The following RPS6KA2 variants were observed in gnomAD, a reference collection of about 807,000 sequenced individuals.
RPS6KA2 encodes the protein ribosomal protein S6 kinase alpha-2.
Under a neutral mutation model 91.8 loss-of-function variants are expected in RPS6KA2, and 42 were observed. The observed-to-expected ratio is 0.46, with a 90% confidence interval of 0.36 to 0.59. The LOEUF is 0.59. RPS6KA2 is among the 20% of genes least tolerant of loss of function. RPS6KA2 has a pLI of 0.00. For missense variants in RPS6KA2, 798 were observed against 978.5 expected (o/e 0.82, Z 2.46); for synonymous variants, 414 against 393.6 (o/e 1.05, Z -0.61).
In RPS6KA2 at chr6:166,411,720, G is replaced by C. The variant is rs1449758997; in HGVS notation, c.*1042C>G. 2 of 152,680 alleles carry C rather than the reference G, an allele frequency of 1.3e-5. No individual in the cohort carries two copies. The highest frequency in any genetic ancestry group is 2.4e-5 in the African/African-American group (1 of 41,444). 9.5% of individuals were successfully genotyped at this position (152,680 alleles called of 1,614,324 possible). On this transcript the variant is annotated 3_prime_UTR_variant, in exon 21 of 21. Transcript: ENST00000265678. The surrounding 1 kb of genome is among the most constrained non-coding windows in gnomAD (Gnocchi z 4.5). ...CCGCTGCCCTCCCACCTGTGCCTCTGCCCCTCAGTCTGCTGGGTGGGGCCT... is the reference window on the plus strand; with the variant it reads ...CCGCTGCCCTCCCACCTGTGCCTCTCCCCCTCAGTCTGCTGGGTGGGGCCT...
At chr6:166,539,358 A>T (rs1315668276) in intron 1 of RPS6KA2, among the ~76,000 whole-genome samples, 3 of 152,240 alleles carry the variant, frequency 2.0e-5, no homozygotes, top group Non-Finnish European at 4.4e-5. Flanking sequence ...ACTCTCAATG[A>T]AATCCATTCT....
chr6:166,834,757 A>G (rs1254226790), intron 2 of RPS6KA2, among the ~76,000 whole-genome samples: 1 of 151,886 alleles, frequency 6.6e-6, no homozygotes, highest in African/African-American at 2.4e-5. Context: ...ATTTTCTCCC[A>G]CTCTGGCCAG....
rs1213480112 is a variant in RPS6KA2 at position 166,821,925 on chromosome 6, A to G, written c.123+36275T>C. Reference sequence around the variant, plus strand: ...CGGCACACTCAGATGTTCAGGTTCAACACTGGGCACCATCCTGAATCCCTC... The same window carrying G: ...CGGCACACTCAGATGTTCAGGTTCAGCACTGGGCACCATCCTGAATCCCTC... On this transcript the variant is annotated intron_variant, in intron 2 of 21. Coordinates refer to the RPS6KA2 transcript ENST00000503859. This position sits in a 1 kb window ranked among gnomAD's most constrained non-coding sequence, Gnocchi z 4.1. 3.3e-5 allele frequency among the ~76,000 whole-genome samples: 5 copies of G among 152,104 alleles called. No homozygotes were observed. The highest frequency in any genetic ancestry group is 3.3e-4 in the Admixed American group (5 of 15,256).
chr6:166,761,166 C>T (rs933074797), intron 2 of RPS6KA2, among the ~76,000 whole-genome samples: 13 of 152,142 alleles, frequency 8.5e-5, no homozygotes, highest in Non-Finnish European at 1.8e-4. Context: ...CGGGTTCAAG[C>T]AATTGTTGTA....
intron 2 of RPS6KA2, among the ~76,000 whole-genome samples, chr6:166,756,873 T>C (rs944947262): frequency 6.6e-6 from 1 of 151,938 alleles, no homozygotes; most frequent in African/African-American, 2.4e-5. Context: ...TAAAAATAAA[T>C]AGTAAAATAA....
chr6:166,842,712 C>A (rs1027863623), intron 2 of RPS6KA2, among the ~76,000 whole-genome samples: 1 of 152,178 alleles, frequency 6.6e-6, no homozygotes, highest in Non-Finnish European at 1.5e-5. Context: ...CTTCTTAGCC[C>A]AATACCCAGA....
chr6:166,455,623 G>A (rs1652961788), intron 12 of RPS6KA2, among the ~76,000 whole-genome samples: 1 of 152,240 alleles, frequency 6.6e-6, no homozygotes, highest in Admixed American at 6.5e-5. Flanking sequence ...GGTACCCTGA[G>A]TGGTTTTTAG....
chr6:166,415,987 C>CG (rs1778490197), intron 19 of RPS6KA2, among the ~76,000 whole-genome samples: 1 of 148,998 alleles, frequency 6.7e-6, no homozygotes, highest in African/African-American at 2.5e-5. Context: ...CCACCATCAT[C>CG]CTCACCATCC....
chr6:166,427,033 A>T (rs1778945829), intron 16 of RPS6KA2, among the ~76,000 whole-genome samples: 2 of 152,208 alleles, frequency 1.3e-5, no homozygotes, highest in South Asian at 4.1e-4. Context: ...CTTGATGAAC[A>T]TTGATGCAAA....
intron 1 of RPS6KA2, among the ~76,000 whole-genome samples, chr6:166,608,152 T>C (rs1363122199): frequency 6.6e-6 from 1 of 152,194 alleles, no homozygotes; most frequent in Non-Finnish European, 1.5e-5. Flanking sequence ...TTGGAATTTT[T>C]CACAAAGACT....
At chr6:166,712,836 G>A (rs73788094) in intron 2 of RPS6KA2, among the ~76,000 whole-genome samples, 3,817 of 152,330 alleles carry the variant, frequency 0.025, 159 homozygotes, top group African/African-American at 0.087. Flanking sequence ...AGGAGCTGCT[G>A]AAACACAGCG....
intron 2 of RPS6KA2, among the ~76,000 whole-genome samples, chr6:166,788,013 G>A (rs1257717895): frequency 2.0e-5 from 3 of 148,244 alleles, no homozygotes; most frequent in Admixed American, 6.7e-5. Context: ...CAAAAAGTCG[G>A]CAAAGGATAT....
At chr6:166,822,600 C>G (rs16899555) in intron 2 of RPS6KA2, among the ~76,000 whole-genome samples, 6,735 of 152,272 alleles carry the variant, frequency 0.044, 553 homozygotes, top group East Asian at 0.39. Context: ...TCCAGCTACA[C>G]TGAGAGTCCA....
intron 2 of RPS6KA2, among the ~76,000 whole-genome samples, chr6:166,746,050 G>A (rs1268382320): frequency 6.6e-6 from 1 of 152,180 alleles, no homozygotes; most frequent in African/African-American, 2.4e-5. Flanking sequence ...TGCAGCTACT[G>A]AGACACGCTT....
At chr6:166,469,994 G>C (rs1353347676) in intron 10 of RPS6KA2, 89 bp from the exon 11 acceptor site, 1 of 1,199,834 alleles carries the variant, frequency 8.3e-7, no homozygotes, top group African/African-American at 1.5e-5. Context: ...GGGTGGGGAT[G>C]TGCAGAGGTG....
Position 166,801,130 on chromosome 6 carries a change from T to C in RPS6KA2, c.123+57070A>G, listed in dbSNP as rs181681118. 2.0e-5 allele frequency among the ~76,000 whole-genome samples: 3 copies of C among 152,190 alleles called. No individual in the cohort carries two copies. The East Asian group carries it at 5.8e-4, about 29-fold the overall frequency. ...GCTGCAAGTGCAGTGAGGAGTTTTGTGGTGATTTAATTGTGTCTACTTTTA... is the reference window on the plus strand; with the variant it reads ...GCTGCAAGTGCAGTGAGGAGTTTTGCGGTGATTTAATTGTGTCTACTTTTA... On this transcript the variant is annotated intron_variant, in intron 2 of 21. Coordinates refer to the RPS6KA2 transcript ENST00000503859.
chr6:166,653,820 T>C (rs960137544), intron 2 of RPS6KA2, among the ~76,000 whole-genome samples: 3 of 152,242 alleles, frequency 2.0e-5, no homozygotes, highest in African/African-American at 7.2e-5. Flanking sequence ...AAATAACTTC[T>C]AGAGGAATAA....
intron 1 of RPS6KA2, among the ~76,000 whole-genome samples, chr6:166,584,784 C>A (rs1002149093): frequency 4.6e-5 from 7 of 152,208 alleles, no homozygotes; most frequent in African/African-American, 1.4e-4. Context: ...GCTCAGAAAG[C>A]GTTCCAATAG....
At chr6:166,693,049 A>C (rs1376454664) in intron 2 of RPS6KA2, among the ~76,000 whole-genome samples, 1 of 152,218 alleles carries the variant, frequency 6.6e-6, no homozygotes, top group Non-Finnish European at 1.5e-5. Context: ...TGACAATGTC[A>C]CTTTTAGTAA....
Sources: gnomAD v4.1 joint callset for allele counts (sites outside exome capture counted in the v4.1 genomes callset) on GRCh38, gnomAD v4.1.1 for gene constraint, Gnocchi (gnomAD v3.1) non-coding constraint, MANE v1.5 for transcripts, NCBI Gene and HGNC (gene_info 2026-07-23, HGNC 2026-07-21) for gene names.